The following SCLT1 variants were observed in gnomAD, a reference collection of about 807,000 sequenced individuals.
SCLT1 encodes the protein sodium channel and clathrin linker 1, also known as sodium channel-associated protein 1.
A neutral mutation model predicts 112.8 loss-of-function variants in SCLT1; 78 were observed. The observed-to-expected ratio is 0.69, with a 90% CI of 0.58 to 0.83. The LOEUF is 0.83. Ranked by LOEUF, SCLT1 falls within the 40% of genes least tolerant of loss-of-function variation. The probability of loss-of-function intolerance (pLI) is 0.00; values close to 1 mark genes in which losing one functional copy is unlikely to be tolerated. For missense variants in SCLT1, 747 were observed against 770.4 expected, an observed-to-expected ratio of 0.97 and a Z score of 0.36; for synonymous variants, 257 against 254.7, an observed-to-expected ratio of 1.01 and a Z score of -0.09.
intron 18 of SCLT1, among the ~76,000 whole-genome samples, chr4:128,921,911 A>G (rs1735914086): frequency 6.6e-6 from 1 of 152,246 alleles, no homozygotes; most frequent in Admixed American, 6.5e-5. Context: ...ATAAAAGTCT[A>G]ATATCCAGAA....
intron 8 of SCLT1, 28 bp from the exon 9 acceptor site, chr4:128,992,265 A>G (rs750762512): frequency 1.4e-6 from 2 of 1,406,418 alleles, no homozygotes; most frequent in South Asian, 1.2e-5. Flanking sequence ...AAGAATCAGT[A>G]TTAGAATATT....
chr4:129,006,752 T>C (rs1744065622), intron 5 of SCLT1, among the ~76,000 whole-genome samples: 1 of 152,140 alleles, frequency 6.6e-6, no homozygotes, highest in African/African-American at 2.4e-5. Flanking sequence ...TTCTAATGCT[T>C]GCTGTCTCTC....
At chr4:128,956,273 A>C (rs557835268) in intron 13 of SCLT1, among the ~76,000 whole-genome samples, 22 of 152,264 alleles carry the variant, frequency 1.4e-4, no homozygotes, top group African/African-American at 5.1e-4. Flanking sequence ...AGAATACTTT[A>C]ATAAAATATT....
chr4:128,970,455 C>G lies in SCLT1; in HGVS notation c.700G>C (p.Glu234Gln). ...ACTTTTGCTACAGCAACTCTCAGCT[C>G]TAATTTGGCTTGCCTAAAAAATAAA... ...LRKKLRQAKLELRVAVAKVEE... is the reference protein window; with the variant it reads ...LRKKLRQAKLQLRVAVAKVEE... The change falls in exon 10 of 21, where the codon GAG becomes CAG. Residue 234 changes from glutamate (E) to glutamine (Q), a missense_variant. Physicochemically the swap from Glu to Gln is conservative, Grantham distance 29. Coordinates refer to ENST00000281142, the MANE Select transcript of SCLT1 (RefSeq NM_144643.4). 2 of 1,599,358 alleles carry G rather than the reference C, an allele frequency of 1.3e-6. No individual in the cohort carries two copies. The highest frequency in any genetic ancestry group is 1.1e-5 in the South Asian group (1 of 90,698).
At chr4:128,920,946 T>C (rs949529260) in intron 18 of SCLT1, among the ~76,000 whole-genome samples, 1 of 152,154 alleles carries the variant, frequency 6.6e-6, no homozygotes, top group African/African-American at 2.4e-5. Context: ...TTAGATCTGA[T>C]AACTTCAGCA....
chr4:128,894,423 G>A (rs929458831), intron 18 of SCLT1, among the ~76,000 whole-genome samples: 5 of 150,648 alleles, frequency 3.3e-5, no homozygotes, highest in African/African-American at 1.2e-4. Context: ...CAGAGTATAT[G>A]TGTGTGTGTA....
At chr4:129,002,974 C>A (rs924636244) in intron 6 of SCLT1, among the ~76,000 whole-genome samples, 4 of 152,092 alleles carry the variant, frequency 2.6e-5, no homozygotes, top group Admixed American at 1.3e-4. Context: ...CCTATAAAGA[C>A]ACATGCACAT....
intron 3 of SCLT1, among the ~76,000 whole-genome samples, chr4:128,877,199 T>C (rs1732541829): frequency 6.6e-6 from 1 of 152,220 alleles, no homozygotes; most frequent in Non-Finnish European, 1.5e-5. Context: ...CACTGGTATG[T>C]ATTATGTTAA....
At position 128,972,431 on chromosome 4, in the gene SCLT1, G is replaced by GAA. The variant is rs35226039; in HGVS notation, c.687-1965_687-1964dup. On this transcript the variant is annotated intron_variant, in intron 9 of 20. Coordinates refer to ENST00000281142, the MANE Select transcript of SCLT1 (RefSeq NM_144643.4). Reference sequence around the variant, plus strand: ...AAGATAAGGTCATAGCATGATCAAGGAAAAAAAAAAAAAAACCTGTTGGAG... The same window carrying GAA: ...AAGATAAGGTCATAGCATGATCAAGGAAAAAAAAAAAAAAAAACCTGTTGGAG... 150 of 136,136 alleles carry GAA rather than the reference G, an allele frequency of 1.1e-3. 2 individuals are homozygous for GAA. In the South Asian group the frequency reaches 0.015, roughly 14 times the overall value. 8.4% of individuals were successfully genotyped at this position (136,136 alleles called of 1,614,324 possible).
chr4:128,991,165 C>T (rs570465943), intron 9 of SCLT1, among the ~76,000 whole-genome samples: 6 of 151,958 alleles, frequency 3.9e-5, no homozygotes, highest in Admixed American at 3.3e-4. Context: ...ATCACATTAA[C>T]TGACTTCAAA....
intron 2 of SCLT1, among the ~76,000 whole-genome samples, chr4:129,060,340 T>C (rs1189378976): frequency 6.6e-6 from 1 of 152,224 alleles, no homozygotes. Context: ...TTCCTTTTCA[T>C]TGGGTTCTTT....
intron 12 of SCLT1, among the ~76,000 whole-genome samples, chr4:128,957,930 T>G (rs1212125753): frequency 6.6e-6 from 1 of 152,204 alleles, no homozygotes; most frequent in Non-Finnish European, 1.5e-5. Flanking sequence ...TCTACATTGC[T>G]GATTCTTCCT....
intron 17 of SCLT1, among the ~76,000 whole-genome samples, chr4:128,937,277 CAAAA>C (rs33922032): frequency 8.8e-6 from 1 of 113,318 alleles, no homozygotes. Context: ...GACTCTGTCT[CAAAA>C]AAAAAAAAAA....
chr4:129,076,961 T>C (rs1751519197), intron 2 of SCLT1, among the ~76,000 whole-genome samples: 1 of 152,068 alleles, frequency 6.6e-6, no homozygotes, highest in Admixed American at 6.6e-5. Flanking sequence ...ATGATTGAAT[T>C]ATGAAAGTAT....
At chr4:129,017,089 T>G (rs1186346061) in intron 5 of SCLT1, among the ~76,000 whole-genome samples, 2 of 152,188 alleles carry the variant, frequency 1.3e-5, no homozygotes, top group South Asian at 2.1e-4. Context: ...GTCAATTCAT[T>G]TTTTTAATCT....
intron 13 of SCLT1, among the ~76,000 whole-genome samples, chr4:128,953,756 G>A (rs1209914593): frequency 3.4e-5 from 5 of 147,126 alleles, no homozygotes; most frequent in East Asian, 2.0e-4. Flanking sequence ...CCGAGATGGC[G>A]CCACTGCACT....
chr4:129,088,714 C>T (rs947454784), intron 1 of SCLT1, among the ~76,000 whole-genome samples: 1 of 152,226 alleles, frequency 6.6e-6, no homozygotes, highest in Non-Finnish European at 1.5e-5. Flanking sequence ...CTACAGCCAT[C>T]TGATCTTTGA....
chr4:128,981,879 A>G (rs1741687526), intron 9 of SCLT1, among the ~76,000 whole-genome samples: 1 of 152,208 alleles, frequency 6.6e-6, no homozygotes, highest in Admixed American at 6.5e-5. Context: ...AATTTGGATT[A>G]TATCCTATAG....
intron 14 of SCLT1, among the ~76,000 whole-genome samples, chr4:128,949,217 G>GTTT (rs77768210): frequency 6.0e-5 from 6 of 100,710 alleles, no homozygotes; most frequent in African/African-American, 1.1e-4. Context: ...TGTATGGCTT[G>GTTT]TTTTTTTTTT....
Sources: allele counts gnomAD v4.1 joint callset (sites outside exome capture counted in the v4.1 genomes callset), GRCh38; gene constraint gnomAD v4.1.1; transcripts MANE v1.5; gene names NCBI Gene and HGNC (gene_info 2026-07-23, HGNC 2026-07-21).